Variants in ZFHX3 observed in about 807,000 individuals in gnomAD.
ZFHX3 encodes zinc finger homeobox protein 3.
In ZFHX3, 42 loss-of-function variants were observed where a neutral mutation model predicts 279.1. The ratio of observed to expected loss-of-function variants is 0.15; its 90% CI spans 0.12 to 0.19. ZFHX3 has a LOEUF of 0.19. Among genes scored for constraint, ZFHX3 ranks in the 10% least tolerant of loss-of-function variants. ZFHX3 has a pLI of 1.00. For synonymous variants in ZFHX3, 2,293 were observed against 1,957.8 expected, an observed-to-expected ratio of 1.17 and a Z score of -4.52; for missense variants, 4,981 against 4,754.0, an observed-to-expected ratio of 1.05 and a Z score of -1.40.
chr16:73,098,575 T>TGG, intron 7 of ZFHX3, among the ~76,000 whole-genome samples: 1 of 152,340 alleles, frequency 6.6e-6, no homozygotes, highest in East Asian at 1.9e-4. Flanking sequence ...TTGGCCAGGT[T>TGG]GGTCTTGAAC....
chr16:73,013,444 C>A (rs975404915), intron 1 of ZFHX3, among the ~76,000 whole-genome samples: 4 of 152,060 alleles, frequency 2.6e-5, no homozygotes, highest in Non-Finnish European at 5.9e-5. Flanking sequence ...TGTGCCACCA[C>A]ACCCAGCTAA....
exon 7 of ZFHX3, chr16:73,131,004 C>T (rs987185680): frequency 5.3e-5 from 69 of 1,305,154 alleles, no homozygotes; most frequent in Non-Finnish European, 6.3e-5. Flanking sequence ...GAGCTGGTGG[C>T]GCTGGTTCTG....
intron 7 of ZFHX3, among the ~76,000 whole-genome samples, chr16:73,130,694 G>A (rs113321458): frequency 6.2e-4 from 95 of 152,284 alleles, no homozygotes; most frequent in Middle Eastern, 3.4e-3. Flanking sequence ...GGCAACCTCC[G>A]CTGCCCGGGT....
At chr16:73,686,793 G>C (rs1213298307) in intron 1 of ZFHX3, among the ~76,000 whole-genome samples, 4 of 151,802 alleles carry the variant, frequency 2.6e-5, no homozygotes, top group Non-Finnish European at 1.5e-5. Context: ...TTTCTGGATT[G>C]AAACCTTATC....
At chr16:73,590,515 T>C (rs969383048) in intron 2 of ZFHX3, among the ~76,000 whole-genome samples, 2 of 152,166 alleles carry the variant, frequency 1.3e-5, no homozygotes, top group Non-Finnish European at 2.9e-5. Context: ...AACAATAACT[T>C]GAGCACACTG....
intron 1 of ZFHX3, among the ~76,000 whole-genome samples, chr16:72,967,456 GA>G (rs995787602): frequency 3.4e-5 from 5 of 146,828 alleles, no homozygotes; most frequent in South Asian, 2.1e-4. Context: ...CCTACTTTAA[GA>G]AAAAAAAAAG....
intron 3 of ZFHX3, among the ~76,000 whole-genome samples, chr16:73,355,036 A>G (rs1398419762): frequency 1.3e-5 from 2 of 152,164 alleles, no homozygotes; most frequent in Non-Finnish European, 1.5e-5. Context: ...ACAAAAACTA[A>G]ATTAGGCTTC....
chr16:73,844,331 C>T (rs917081433), intron 1 of ZFHX3, among the ~76,000 whole-genome samples: 1 of 152,038 alleles, frequency 6.6e-6, no homozygotes, highest in African/African-American at 2.4e-5. Flanking sequence ...GGTACTTGGA[C>T]TTGGTTGAAG....
chr16:73,427,080 A>G (rs1034538393), intron 3 of ZFHX3, among the ~76,000 whole-genome samples: 2 of 151,936 alleles, frequency 1.3e-5, no homozygotes, highest in African/African-American at 4.8e-5. Context: ...TGAAAGAGTT[A>G]GGCAGCAATA....
chr16:72,884,398 G>T (rs139643148), intron 4 of ZFHX3, among the ~76,000 whole-genome samples: 123 of 152,336 alleles, frequency 8.1e-4, no homozygotes, highest in Non-Finnish European at 1.4e-3. Flanking sequence ...TGTAAACTGA[G>T]TCCGGGTCCA....
At chr16:73,358,089 C>A (rs535616896) in intron 3 of ZFHX3, among the ~76,000 whole-genome samples, 1 of 152,208 alleles carries the variant, frequency 6.6e-6, no homozygotes. Context: ...TGGAGCTGGG[C>A]TAACTCTTCT....
chr16:73,881,481 C>A (rs974139094), intron 1 of ZFHX3, among the ~76,000 whole-genome samples: 3 of 20,400 alleles, frequency 1.5e-4, no homozygotes, highest in African/African-American at 5.6e-4. Flanking sequence ...TCTCTCTCTG[C>A]CCCCCCCCCC....
At chr16:73,886,763 A>G (rs2030359800) in intron 1 of ZFHX3, among the ~76,000 whole-genome samples, 6 of 152,232 alleles carry the variant, frequency 3.9e-5, no homozygotes, top group Admixed American at 3.9e-4. Context: ...AGGGAGATGT[A>G]TGGGGAGATA....
chr16:73,325,928 A>AAACAC (rs368062772), intron 3 of ZFHX3, among the ~76,000 whole-genome samples: 1 of 145,490 alleles, frequency 6.9e-6, no homozygotes, highest in Non-Finnish European at 1.5e-5. Context: ...CACACACACA[A>AAACAC]ACACACACAC....
In ZFHX3 at chr16:73,444,401, T is replaced by C. The variant is rs2018146200; in HGVS notation, c.-1291+11602A>G. On this transcript the variant is annotated intron_variant, in intron 3 of 17. Coordinates refer to the ZFHX3 transcript ENST00000641206. Reference sequence around the variant, plus strand: ...AAAATGACCATTTTTCTCTACCATTTCTCTCTACCTTATTCAATGAGTCTG... The same window carrying C: ...AAAATGACCATTTTTCTCTACCATTCCTCTCTACCTTATTCAATGAGTCTG... Among the ~76,000 whole-genome samples the C allele has an allele frequency of 3.3e-5, 5 of 152,334 alleles. No individual in the cohort carries two copies. In the South Asian group the frequency reaches 1.0e-3, roughly 32 times the overall value.
chr16:73,162,445 G>A (rs1294364861), intron 5 of ZFHX3, among the ~76,000 whole-genome samples: 1 of 152,194 alleles, frequency 6.6e-6, no homozygotes, highest in East Asian at 1.9e-4. Flanking sequence ...ATGGTGAGTT[G>A]TAGAATTATT....
intron 1 of ZFHX3, among the ~76,000 whole-genome samples, chr16:73,707,185 C>T (rs778964619): frequency 7.2e-5 from 11 of 152,282 alleles, no homozygotes; most frequent in Admixed American, 1.3e-4. Context: ...AGTATTTGCT[C>T]TTTCCCTGTG....
rs1449610214 is a variant in ZFHX3, at chr16:73,247,081, T to C, written c.-1104+9966A>G. ...TATACCTGTATGTGGAGTGTATGTG[T>C]ATGTGTGTGTACTGCATATATAATG... On this transcript the variant is annotated intron_variant, in intron 5 of 17. Transcript: ENST00000641206. Among the ~76,000 whole-genome samples, 15 of 152,242 alleles carry C rather than the reference T, an allele frequency of 9.9e-5. No individual in the cohort carries two copies. In the East Asian group the frequency reaches 2.9e-3, roughly 29 times the overall value.
At chr16:73,605,653 C>T (rs1224541513) in intron 2 of ZFHX3, among the ~76,000 whole-genome samples, 2 of 146,734 alleles carry the variant, frequency 1.4e-5, no homozygotes, top group African/African-American at 2.6e-5. Flanking sequence ...GGGGGAGAGT[C>T]TGGGGTAGGC....
Sources: allele counts gnomAD v4.1 joint callset (sites outside exome capture counted in the v4.1 genomes callset), GRCh38; gene constraint gnomAD v4.1.1; transcripts MANE v1.5; gene names NCBI Gene and HGNC (gene_info 2026-07-23, HGNC 2026-07-21).